The following GALNTL6 variants were observed in gnomAD, a reference collection of about 807,000 sequenced individuals.
GALNTL6 encodes the protein polypeptide N-acetylgalactosaminyltransferase like 6.
In GALNTL6, 46 loss-of-function variants were observed where a neutral mutation model predicts 73.7. That is an observed-to-expected ratio of 0.62 (90% CI 0.49 to 0.80). The LOEUF is 0.80. Ranked by LOEUF, GALNTL6 falls within the 30% of genes least tolerant of loss-of-function variation. The pLI is 0.00. For missense variants in GALNTL6, 604 were observed against 755.0 expected, an observed-to-expected ratio of 0.80 and a Z score of 2.34; for synonymous variants, 259 against 263.7, an observed-to-expected ratio of 0.98 and a Z score of 0.17.
chr4:172,929,628 G>A lies in GALNTL6; in HGVS notation c.1042-1533G>A, dbSNP rs1482715226. On this transcript the variant is annotated intron_variant, in intron 8 of 12. Transcript: ENST00000506823. ...TTCATCCAATTGGATGAGGCCCATC[G>A]ACATCATGGAAGGTAATTCACTTTA... Among the ~76,000 whole-genome samples the A allele has an allele frequency of 3.3e-5, 5 of 152,008 alleles. No homozygotes were observed. The East Asian group carries it at 5.8e-4, about 18-fold the overall frequency.
At chr4:172,135,219 T>C (rs1733605613) in intron 2 of GALNTL6, among the ~76,000 whole-genome samples, 1 of 152,198 alleles carries the variant, frequency 6.6e-6, no homozygotes, top group East Asian at 1.9e-4. Context: ...TTTAAACAAC[T>C]CAATTTTCAG....
At chr4:173,016,423 G>A (rs1357775541) in intron 11 of GALNTL6, among the ~76,000 whole-genome samples, 1 of 152,244 alleles carries the variant, frequency 6.6e-6, no homozygotes, top group Non-Finnish European at 1.5e-5. Flanking sequence ...TAAAGCCACA[G>A]GGGCAGAGCT....
intron 5 of GALNTL6, among the ~76,000 whole-genome samples, chr4:172,459,388 A>C (rs995906107): frequency 6.6e-6 from 1 of 152,232 alleles, no homozygotes; most frequent in Admixed American, 6.5e-5. Context: ...AGAAAGAAAT[A>C]AAGCGTATTC....
chr4:172,571,216 C>T (rs1736748161), intron 5 of GALNTL6, among the ~76,000 whole-genome samples: 1 of 152,136 alleles, frequency 6.6e-6, no homozygotes, highest in African/African-American at 2.4e-5. Context: ...AATAGGAAAA[C>T]CTTATTGTTC....
chr4:172,249,422 C>G (rs1291701525), intron 3 of GALNTL6, among the ~76,000 whole-genome samples: 1 of 152,158 alleles, frequency 6.6e-6, no homozygotes, highest in African/African-American at 2.4e-5. Flanking sequence ...AAAGAAAAAC[C>G]CATTTTCTGG....
At chr4:172,085,673 TATTTA>T (rs1314521845) in intron 2 of GALNTL6, among the ~76,000 whole-genome samples, 1 of 151,598 alleles carries the variant, frequency 6.6e-6, no homozygotes, top group Non-Finnish European at 1.5e-5. Context: ...CTTAATTATA[TATTTA>T]AATTATTTTA....
chr4:172,892,217 C>T (rs2111215706), intron 8 of GALNTL6, among the ~76,000 whole-genome samples: 1 of 152,282 alleles, frequency 6.6e-6, no homozygotes, highest in Non-Finnish European at 1.5e-5. Context: ...AAGAAATGCT[C>T]TGACTTTTTG....
chr4:171,823,905 A>C (rs1043513507), intron 2 of GALNTL6, among the ~76,000 whole-genome samples: 5 of 150,842 alleles, frequency 3.3e-5, no homozygotes, highest in Non-Finnish European at 5.9e-5. Context: ...TTGCCAAAAA[A>C]TATTAAGATA....
intron 5 of GALNTL6, among the ~76,000 whole-genome samples, chr4:172,780,915 T>C (rs1408467755): frequency 1.3e-5 from 2 of 152,220 alleles, no homozygotes; most frequent in Non-Finnish European, 2.9e-5. Context: ...AGAGGACAGA[T>C]GATTTCTTTC....
At chr4:172,026,090 T>C (rs1246850657) in intron 2 of GALNTL6, among the ~76,000 whole-genome samples, 1 of 152,054 alleles carries the variant, frequency 6.6e-6, no homozygotes, top group Non-Finnish European at 1.5e-5. Flanking sequence ...TTCAAAATTA[T>C]AATGCTTTTT....
chr4:172,428,987 G>A (rs191445889), intron 5 of GALNTL6, among the ~76,000 whole-genome samples: 95 of 151,980 alleles, frequency 6.3e-4, no homozygotes, highest in African/African-American at 1.8e-3. Flanking sequence ...TCAAGGTGCC[G>A]GCTGATTCGG....
chr4:171,875,768 T>C lies in GALNTL6; in HGVS notation c.138+61050T>C, dbSNP rs983929053. On this transcript the variant is annotated intron_variant, in intron 2 of 12. Transcript: ENST00000506823. ...GAATTTTCCCTCCTTTCTGCTCATATCTAGTATGAATATTTTGGGTGGTCT... is the reference window on the plus strand; with the variant it reads ...GAATTTTCCCTCCTTTCTGCTCATACCTAGTATGAATATTTTGGGTGGTCT... Among the ~76,000 whole-genome samples the C allele has an allele frequency of 2.0e-5, 3 of 150,000 alleles. No individual in the cohort carries two copies. In the Admixed American group the frequency reaches 2.0e-4, roughly 10 times the overall value.
intron 4 of GALNTL6, among the ~76,000 whole-genome samples, chr4:172,347,288 C>T (rs1321703921): frequency 6.6e-6 from 1 of 152,040 alleles, no homozygotes; most frequent in African/African-American, 2.4e-5. Context: ...CTGTGCCTGG[C>T]CCCTATTGAT....
intron 2 of GALNTL6, among the ~76,000 whole-genome samples, chr4:171,963,644 A>G (rs17057769): frequency 0.43 from 65,412 of 152,092 alleles, 16,844 homozygotes; most frequent in Non-Finnish European, 0.57. Flanking sequence ...CTAAGGAGTG[A>G]TGGTAACCTA....
chr4:171,875,143 A>T (rs777928435), intron 2 of GALNTL6, among the ~76,000 whole-genome samples: 3 of 152,190 alleles, frequency 2.0e-5, no homozygotes, highest in Non-Finnish European at 2.9e-5. Context: ...AGCGATAGGT[A>T]CTATTTTTTG....
At chr4:172,704,627 A>G (rs1308628051) in intron 5 of GALNTL6, among the ~76,000 whole-genome samples, 1 of 152,036 alleles carries the variant, frequency 6.6e-6, no homozygotes, top group African/African-American at 2.4e-5. Flanking sequence ...TCTATCCTAG[A>G]GAATGTTCCA....
chr4:171,934,965 C>G (rs112094093), intron 2 of GALNTL6, among the ~76,000 whole-genome samples: 146 of 152,210 alleles, frequency 9.6e-4, no homozygotes, highest in African/African-American at 3.0e-3. Flanking sequence ...CCAATGATCC[C>G]AAACCCTAGA....
At chr4:172,121,170 T>C (rs1733138815) in intron 2 of GALNTL6, among the ~76,000 whole-genome samples, 1 of 151,850 alleles carries the variant, frequency 6.6e-6, no homozygotes, top group South Asian at 2.1e-4. Flanking sequence ...TTTGAGATAA[T>C]TATACTTGGC....
intron 2 of GALNTL6, among the ~76,000 whole-genome samples, chr4:171,900,494 T>G (rs1737056730): frequency 6.6e-6 from 1 of 151,232 alleles, no homozygotes; most frequent in African/African-American, 2.4e-5. Flanking sequence ...TTTTTTTTTT[T>G]TTTTTAGTAG....
Sources: allele counts gnomAD v4.1 joint callset (sites outside exome capture counted in the v4.1 genomes callset), GRCh38; gene constraint gnomAD v4.1.1; transcripts MANE v1.5; gene names NCBI Gene and HGNC (gene_info 2026-07-23, HGNC 2026-07-21).